Variants in PADI4 observed in about 807,000 individuals in gnomAD.
PADI4 encodes protein-arginine deiminase type-4.
A neutral mutation model predicts 75.0 loss-of-function variants in PADI4; 62 were observed. That is an observed-to-expected ratio of 0.83 (90% CI 0.67 to 1.02). The LOEUF (loss-of-function observed/expected upper bound fraction) is 1.02, where lower values mean the gene tolerates loss of function less well. Ranked by LOEUF, PADI4 falls within the 50% of genes least tolerant of loss-of-function variation. The pLI is 0.00. For synonymous variants in PADI4, 361 were observed against 348.1 expected, an observed-to-expected ratio of 1.04 and a Z score of -0.41; for missense variants, 845 against 850.5, an observed-to-expected ratio of 0.99 and a Z score of 0.08.
chr1:17,353,738 C>A lies in PADI4; in HGVS notation c.1156-795C>A, dbSNP rs78305185. ...GATTATCCTGGTTTATCCTGGAATG[C>A]GGGAGGGCCTGTGATGATGGAAGCA... On this transcript the variant is annotated intron_variant, in intron 10 of 15. Transcript: ENST00000375448. 8.5e-5 allele frequency among the ~76,000 whole-genome samples: 13 copies of A among 152,148 alleles called. No individual in the cohort carries two copies. In the East Asian group the frequency reaches 2.5e-3, roughly 29 times the overall value.
rs576556598 is a variant in PADI4, at chr1:17,342,460, C to G, written c.935+58C>G. 5.9e-6 allele frequency: 6 copies of G among 1,014,728 alleles called. No homozygotes were observed. The South Asian group carries it at 8.1e-5, about 14-fold the overall frequency. The allele number at this position is 1,014,728 out of a possible 1,614,324, so 62.9% of individuals were successfully genotyped here. ...GACAACAAAGAGCCTGAGTTCCATC[C>G]GCAGCACTCACTGTGTGATGGGAAA... On this transcript the variant is annotated intron_variant, in intron 8 of 15. Transcript: ENST00000375448.
chr1:17,325,903 C>T (rs1230388695), intron 1 of PADI4, among the ~76,000 whole-genome samples: 2 of 152,022 alleles, frequency 1.3e-5, no homozygotes, highest in Admixed American at 1.3e-4. Context: ...AGGGTTTTGC[C>T]ACGTTGGCCA....
chr1:17,345,589 C>T lies in PADI4; in HGVS notation c.936-439C>T, dbSNP rs1397414098. Reference sequence around the variant, plus strand: ...TTTGAATCATGGTGGCAGTTTCTCCCATACTGTTCTCATGATAGTGAATAA... The same window carrying T: ...TTTGAATCATGGTGGCAGTTTCTCCTATACTGTTCTCATGATAGTGAATAA... On this transcript the variant is annotated intron_variant, in intron 8 of 15. Coordinates refer to ENST00000375448, the MANE Select transcript of PADI4 (RefSeq NM_012387.3). Among the ~76,000 whole-genome samples the T allele has an allele frequency of 2.6e-5, 4 of 152,182 alleles. 1 individual carries two copies. Among genetic ancestry groups the T allele is most frequent in the Non-Finnish European group, 5.9e-5 (4 of 68,038 alleles).
intron 15 of PADI4, 83 bp downstream of exon 15, chr1:17,359,491 C>T: frequency 1.3e-6 from 2 of 1,584,350 alleles, no homozygotes; most frequent in East Asian, 2.3e-5. Flanking sequence ...CCCGGGCGGT[C>T]CCAGAGGGCT....
intron 10 of PADI4, among the ~76,000 whole-genome samples, chr1:17,352,425 G>C (rs1174761947): frequency 2.0e-5 from 3 of 152,086 alleles, no homozygotes; most frequent in South Asian, 2.1e-4. Context: ...ATTATGATCT[G>C]GTTTGTTAGA....
rs1477022937 is a variant in PADI4 at position 17,334,006 on chromosome 1, G to A, written c.337G>A (p.Val113Met). 4.4e-6 allele frequency: 7 copies of A among 1,601,538 alleles called. No homozygotes were observed. The highest frequency in any genetic ancestry group is 6.0e-6 in the Non-Finnish European group (7 of 1,168,642). The change falls in exon 3 of 16, where the codon GTG becomes ATG. Residue 113 changes from valine (V) to methionine (M), a missense_variant. Val to Met is a conservative substitution (Grantham distance 21). Coordinates refer to ENST00000375448, the MANE Select transcript of PADI4 (RefSeq NM_012387.3). The stretch of plus-strand genomic sequence containing the variant: ...CAAAGCTCTACTCTACCTCACCGGG[G>A]TGGGTAAGTGACAACCAGGATCCTA... ...PVKALLYLTG[V>M]EISLCADITR...
At chr1:17,320,231 C>G (rs1045219723) in intron 1 of PADI4, among the ~76,000 whole-genome samples, 1 of 151,656 alleles carries the variant, frequency 6.6e-6, no homozygotes, top group Non-Finnish European at 1.5e-5. Context: ...GCCATCACCA[C>G]AGTTTCCCTG....
In PADI4 at chr1:17,359,537, G is replaced by A. The variant is rs1382047500; in HGVS notation, c.1758+129G>A. 22 of 1,298,096 alleles carry A rather than the reference G, an allele frequency of 1.7e-5. No individual in the cohort carries two copies. The Admixed American group carries it at 4.6e-4, about 27-fold the overall frequency. The allele number at this position is 1,298,096 out of a possible 1,614,324, so 80.4% of individuals were successfully genotyped here. A position where few individuals can be genotyped will look rare whatever the true frequency, so the allele number is the denominator to read the frequency against. ...CTGTAACCGTTTGTAGCTTTGTCCT[G>A]AGTGGTACAAGGTCAGACGTGACCA... On this transcript the variant is annotated intron_variant, in intron 15 of 15. Coordinates refer to ENST00000375448, the MANE Select transcript of PADI4 (RefSeq NM_012387.3).
intron 10 of PADI4, chr1:17,348,312 A>T: frequency 2.9e-6 from 1 of 339,926 alleles, no homozygotes; most frequent in Non-Finnish European, 5.4e-6. Flanking sequence ...GAGGTGGCTC[A>T]GGCTTGGACC....
At chr1:17,359,209 C>A in intron 14 of PADI4, 71 bp from the exon 15 acceptor site, 1 of 1,069,006 alleles carries the variant, frequency 9.4e-7, no homozygotes, top group Non-Finnish European at 1.4e-6. Flanking sequence ...GGCCTCAGCC[C>A]CACACTGTCC....
chr1:17,334,273 G>A (rs1570031384), intron 3 of PADI4: 1 of 474,212 alleles, frequency 2.1e-6, no homozygotes, highest in East Asian at 4.3e-5. Flanking sequence ...TTAGGAAGTA[G>A]GAACTTGGAT....
At chr1:17,340,050 G>A (rs940895879) in intron 6 of PADI4, among the ~76,000 whole-genome samples, 20 of 148,734 alleles carry the variant, frequency 1.3e-4, no homozygotes, top group South Asian at 2.1e-4. Flanking sequence ...ACACACGCGC[G>A]CGCACACACA....
At chr1:17,362,634 C>T (rs1055153840) in intron 15 of PADI4, among the ~76,000 whole-genome samples, 1 of 152,090 alleles carries the variant, frequency 6.6e-6, no homozygotes, top group Non-Finnish European at 1.5e-5. Flanking sequence ...CCAGTGCCCA[C>T]CAGTAATCAA....
chr1:17,331,794 T>C (rs2074218479), intron 2 of PADI4, among the ~76,000 whole-genome samples: 1 of 152,086 alleles, frequency 6.6e-6, no homozygotes, highest in Non-Finnish European at 1.5e-5. Flanking sequence ...GGCGAGCGCC[T>C]GTAATCCCAG....
At chr1:17,336,714 C>A (rs1570038223) in intron 4 of PADI4, among the ~76,000 whole-genome samples, 1 of 152,212 alleles carries the variant, frequency 6.6e-6, no homozygotes, top group African/African-American at 2.4e-5. Context: ...TGAACGCTGT[C>A]TTAAACCAGA....
At chr1:17,321,082 G>A (rs1270493275) in intron 1 of PADI4, among the ~76,000 whole-genome samples, 5 of 152,208 alleles carry the variant, frequency 3.3e-5, no homozygotes, top group Non-Finnish European at 5.9e-5. Context: ...ACCACAGAGG[G>A]CTGATCTCAT....
At chr1:17,347,881 C>T (rs1047373431) in intron 9 of PADI4, 60 bp from the exon 10 acceptor site, 27 of 872,286 alleles carry the variant, frequency 3.1e-5, no homozygotes, top group Admixed American at 9.0e-5. Context: ...CCCATCCTGG[C>T]GTCGGGCACC....
At chr1:17,315,963 C>T (rs2073926383) in intron 1 of PADI4, among the ~76,000 whole-genome samples, 1 of 151,910 alleles carries the variant, frequency 6.6e-6, no homozygotes, top group Non-Finnish European at 1.5e-5. Context: ...ACAGCTCTGC[C>T]CTGACCCCTC....
At chr1:17,317,367 C>T (rs1291639688) in intron 1 of PADI4, among the ~76,000 whole-genome samples, 1 of 152,190 alleles carries the variant, frequency 6.6e-6, no homozygotes, top group Admixed American at 6.5e-5. Flanking sequence ...CTCCCAGGTT[C>T]AAGCAATTCT....
Sources: gnomAD v4.1 joint callset for allele counts (sites outside exome capture counted in the v4.1 genomes callset) on GRCh38, gnomAD v4.1.1 for gene constraint, MANE v1.5 for transcripts, NCBI Gene and HGNC (gene_info 2026-07-23, HGNC 2026-07-21) for gene names.